The following MPPED2 variants were observed in gnomAD, a reference collection of about 807,000 sequenced individuals.
MPPED2 encodes metallophosphoesterase MPPED2.
A neutral mutation model predicts 33.0 loss-of-function variants in MPPED2; 5 were observed. The observed-to-expected ratio is 0.15, with a 90% CI of 0.08 to 0.32. MPPED2 has a LOEUF of 0.32. Ranked by LOEUF, MPPED2 falls within the 10% of genes least tolerant of loss-of-function variation. MPPED2 has a pLI of 1.00. For synonymous variants in MPPED2, 136 were observed against 141.9 expected, an observed-to-expected ratio of 0.96 and a Z score of 0.29; for missense variants, 275 against 372.1, an observed-to-expected ratio of 0.74 and a Z score of 2.15.
chr11:30,489,581 T>G (rs1951882734), intron 4 of MPPED2, among the ~76,000 whole-genome samples: 1 of 152,250 alleles, frequency 6.6e-6, no homozygotes, highest in Non-Finnish European at 1.5e-5. Context: ...AGAATTGCAC[T>G]GCCTAGGCCT....
intron 2 of MPPED2, among the ~76,000 whole-genome samples, chr11:30,542,148 T>G (rs559575813): frequency 1.3e-5 from 2 of 152,350 alleles, no homozygotes; most frequent in Non-Finnish European, 2.9e-5. Flanking sequence ...TCCACTTCTT[T>G]GAGGATCATC....
chr11:30,580,536 A>G (rs1205915930), intron 1 of MPPED2, 42 bp from the exon 2 acceptor site: 16 of 1,412,428 alleles, frequency 1.1e-5, no homozygotes, highest in Non-Finnish European at 1.5e-5. Context: ...GAACAAAGAG[A>G]AAAAGGGTGT....
chr11:30,390,974 T>C (rs1440753044), intron 6 of MPPED2, among the ~76,000 whole-genome samples: 1 of 152,074 alleles, frequency 6.6e-6, no homozygotes, highest in Non-Finnish European at 1.5e-5. Flanking sequence ...CAGCCCAGAT[T>C]CAAAGGTGTG....
intron 6 of MPPED2, among the ~76,000 whole-genome samples, chr11:30,397,604 G>A (rs1947854450): frequency 6.6e-6 from 1 of 152,100 alleles, no homozygotes; most frequent in South Asian, 2.1e-4. Flanking sequence ...ATGCTTGATA[G>A]TAGTAGCTCA....
At chr11:30,419,629 C>T (rs554921973) in intron 4 of MPPED2, among the ~76,000 whole-genome samples, 7 of 152,214 alleles carry the variant, frequency 4.6e-5, no homozygotes, top group South Asian at 2.1e-4. Context: ...TGATTCCATC[C>T]CTGTTCTAGA....
chr11:30,398,258 A>G (rs778270911), intron 6 of MPPED2, among the ~76,000 whole-genome samples: 1 of 152,164 alleles, frequency 6.6e-6, no homozygotes, highest in Non-Finnish European at 1.5e-5. Context: ...GACTGTGGAT[A>G]AGAATAATGA....
chr11:30,391,773 A>G (rs1947779658), intron 6 of MPPED2, among the ~76,000 whole-genome samples: 1 of 152,336 alleles, frequency 6.6e-6, no homozygotes, highest in East Asian at 1.9e-4. Flanking sequence ...ATAGAATCAA[A>G]TATCAATTTA....
At chr11:30,442,955 T>C (rs114999863) in intron 4 of MPPED2, among the ~76,000 whole-genome samples, 3,996 of 152,168 alleles carry the variant, frequency 0.026, 152 homozygotes, top group Admixed American at 0.081. Flanking sequence ...ATCACACCAC[T>C]GCACGCCAGC....
At chr11:30,518,718 T>G (rs1015829973) in intron 3 of MPPED2, among the ~76,000 whole-genome samples, 11 of 152,190 alleles carry the variant, frequency 7.2e-5, no homozygotes, top group African/African-American at 2.7e-4. Context: ...TTTTCTTTCC[T>G]TGTCAGGTTG....
chr11:30,574,249 C>T (rs1232350852), intron 2 of MPPED2, among the ~76,000 whole-genome samples: 1 of 152,000 alleles, frequency 6.6e-6, no homozygotes, highest in African/African-American at 2.4e-5. Context: ...TATACTCTAC[C>T]TTTCTTATAC....
intron 4 of MPPED2, among the ~76,000 whole-genome samples, chr11:30,474,693 T>TA (rs1439361582): frequency 6.6e-6 from 1 of 151,808 alleles, no homozygotes; most frequent in Admixed American, 6.6e-5. Context: ...AGCCAACACT[T>TA]AAAGACCCAG....
intron 6 of MPPED2, among the ~76,000 whole-genome samples, chr11:30,399,924 A>G (rs977805897): frequency 1.6e-4 from 25 of 152,224 alleles, no homozygotes; most frequent in African/African-American, 5.8e-4. Context: ...AAACCTCAAC[A>G]CTGTATTTAA....
At chr11:30,556,005 A>T (rs1329694936) in intron 2 of MPPED2, among the ~76,000 whole-genome samples, 1 of 152,092 alleles carries the variant, frequency 6.6e-6, no homozygotes, top group East Asian at 1.9e-4. Flanking sequence ...TTTTCCACTC[A>T]GTTTTAGATG....
chr11:30,388,249 A>AT (rs144613447), exon 7 of MPPED2: 128 of 152,456 alleles, frequency 8.4e-4, no homozygotes, highest in African/African-American at 3.1e-3. Context: ...CCATTGAAAT[A>AT]TGGAATTGTC....
intron 2 of MPPED2, among the ~76,000 whole-genome samples, chr11:30,561,182 T>C (rs1345919955): frequency 6.6e-6 from 1 of 152,180 alleles, no homozygotes; most frequent in Non-Finnish European, 1.5e-5. Flanking sequence ...TGCATAGATA[T>C]ATAATTTCTA....
At chr11:30,531,056 A>C (rs1422585755) in intron 3 of MPPED2, among the ~76,000 whole-genome samples, 3 of 152,186 alleles carry the variant, frequency 2.0e-5, no homozygotes, top group Admixed American at 2.0e-4. Flanking sequence ...TAAGAAGGAA[A>C]ATGTTATTAA....
intron 3 of MPPED2, among the ~76,000 whole-genome samples, chr11:30,523,192 G>A (rs1378691264): frequency 6.6e-6 from 1 of 152,174 alleles, no homozygotes; most frequent in Non-Finnish European, 1.5e-5. Context: ...TCCAGTGATA[G>A]ACTGGAAGCG....
intron 4 of MPPED2, among the ~76,000 whole-genome samples, chr11:30,484,931 T>C (rs1951650725): frequency 6.6e-6 from 1 of 152,194 alleles, no homozygotes; most frequent in Non-Finnish European, 1.5e-5. Context: ...TTCTACTCTT[T>C]TTTGCTTCTT....
At chr11:30,517,334 T>C (rs752473705) in intron 3 of MPPED2, among the ~76,000 whole-genome samples, 1 of 152,192 alleles carries the variant, frequency 6.6e-6, no homozygotes, top group Non-Finnish European at 1.5e-5. Context: ...CTATATTCCA[T>C]GCCAGGGCAT....
Sources: allele counts gnomAD v4.1 joint callset (sites outside exome capture counted in the v4.1 genomes callset), GRCh38; gene constraint gnomAD v4.1.1; transcripts MANE v1.5; gene names NCBI Gene and HGNC (gene_info 2026-07-23, HGNC 2026-07-21).